SMAGP: variants seen among roughly 807,000 people sequenced by gnomAD.
SMAGP encodes the protein small cell adhesion glycoprotein.
A neutral mutation model predicts 10.1 loss-of-function variants in SMAGP; 7 were observed. The ratio of observed to expected loss-of-function variants is 0.70; its 90% CI spans 0.40 to 1.31. SMAGP has a LOEUF of 1.31. Ranked by LOEUF, SMAGP falls within the 50% of genes most tolerant of loss-of-function variation. SMAGP has a pLI of 0.01. For synonymous variants in SMAGP, 49 were observed against 47.2 expected (o/e 1.04, Z -0.16); for missense variants, 113 against 116.5 (o/e 0.97, Z 0.14).
At chr12:51,248,424 ACACACACACACTCTCTCTCTCTCT>A (rs1440759303) in intron 2 of SMAGP, among the ~76,000 whole-genome samples, 14 of 112,448 alleles carry the variant, frequency 1.2e-4, no homozygotes, top group East Asian at 3.4e-4. Flanking sequence ...ACACACACAC[ACACACACACACTCTCTCTCTCTCT>A]CTCTCTCTCT....
intron 2 of SMAGP, among the ~76,000 whole-genome samples, chr12:51,264,707 G>A (rs368681077): frequency 9.9e-5 from 15 of 151,540 alleles, no homozygotes; most frequent in African/African-American, 2.2e-4. Flanking sequence ...CAAGGCAGGC[G>A]GATTGCCTGA....
Position 51,260,797 on chromosome 12 carries a change from T to C in SMAGP, c.34+8448A>G, listed in dbSNP as rs532669140. Among the ~76,000 whole-genome samples, 19 of 148,068 alleles carry C rather than the reference T, an allele frequency of 1.3e-4. No homozygotes were observed. In the East Asian group the frequency reaches 3.7e-3, roughly 29 times the overall value. On this transcript the variant is annotated intron_variant, in intron 2 of 3. Transcript: ENST00000603798. ...GCCTCCTGGGTTCAAGCGATTCTCC[T>C]GCCTCAGCCTCCCGAGTAGCTGGGA... is the stretch of plus-strand genomic sequence containing the variant.
chr12:51,269,426 C>A, intron 1 of SMAGP, 110 bp from the exon 2 acceptor site: 1 of 787,304 alleles, frequency 1.3e-6, no homozygotes, highest in East Asian at 2.6e-5. Context: ...GTCCCTTCCC[C>A]TTTTTCTCTT....
intron 2 of SMAGP, among the ~76,000 whole-genome samples, chr12:51,256,784 A>AG (rs1944889612): frequency 2.3e-5 from 1 of 43,190 alleles, no homozygotes; most frequent in African/African-American, 6.0e-5. Context: ...CACCCAAAAA[A>AG]AGATATATAT....
At chr12:51,252,978 G>A (rs1456738668) in intron 2 of SMAGP, among the ~76,000 whole-genome samples, 1 of 152,120 alleles carries the variant, frequency 6.6e-6, no homozygotes, top group East Asian at 1.9e-4. Flanking sequence ...CTTGTAAATG[G>A]GATTTCTGTT....
At chr12:51,256,575 G>T (rs1944886053) in intron 2 of SMAGP, among the ~76,000 whole-genome samples, 1 of 152,014 alleles carries the variant, frequency 6.6e-6, no homozygotes, top group South Asian at 2.1e-4. Context: ...TACAAAATTA[G>T]CCGGGGTGGT....
intron 2 of SMAGP, among the ~76,000 whole-genome samples, chr12:51,252,564 G>A (rs1180071796): frequency 6.6e-6 from 1 of 151,974 alleles, no homozygotes; most frequent in Non-Finnish European, 1.5e-5. Context: ...GCTAATTTTT[G>A]TATTTTTTAG....
At chr12:51,262,141 A>G (rs1001313605) in intron 2 of SMAGP, among the ~76,000 whole-genome samples, 3 of 152,010 alleles carry the variant, frequency 2.0e-5, no homozygotes, top group Non-Finnish European at 2.9e-5. Flanking sequence ...TGTACATAGA[A>G]AAGGTCTAGA....
intron 2 of SMAGP, among the ~76,000 whole-genome samples, chr12:51,265,803 C>T (rs80022099): frequency 0.04 from 6,083 of 151,914 alleles, 305 homozygotes; most frequent in African/African-American, 0.11. Context: ...TACAGTAGTC[C>T]CCCCAGGCCA....
intron 2 of SMAGP, among the ~76,000 whole-genome samples, chr12:51,247,302 A>G (rs1186238932): frequency 2.0e-5 from 3 of 152,248 alleles, no homozygotes; most frequent in African/African-American, 7.2e-5. Flanking sequence ...ATTATATTAT[A>G]TAGCATGTGC....
chr12:51,259,317 T>C (rs965367383), intron 2 of SMAGP, among the ~76,000 whole-genome samples: 9 of 152,168 alleles, frequency 5.9e-5, no homozygotes, highest in African/African-American at 2.2e-4. Context: ...TCTTACTGTG[T>C]TGCCTAGGCT....
At chr12:51,264,413 C>T (rs550650498) in intron 2 of SMAGP, among the ~76,000 whole-genome samples, 2 of 152,226 alleles carry the variant, frequency 1.3e-5, no homozygotes, top group African/African-American at 4.8e-5. Context: ...AGGAGCATGG[C>T]TTCAGGCCGG....
chr12:51,250,937 A>T (rs1205676530), intron 2 of SMAGP, among the ~76,000 whole-genome samples: 2 of 151,776 alleles, frequency 1.3e-5, no homozygotes, highest in Non-Finnish European at 2.9e-5. Context: ...GACTTCACAC[A>T]TTTCACCATG....
intron 2 of SMAGP, among the ~76,000 whole-genome samples, chr12:51,267,260 C>T (rs1333666078): frequency 2.0e-5 from 3 of 152,120 alleles, no homozygotes; most frequent in African/African-American, 7.2e-5. Context: ...GCTTCCTGAA[C>T]ATCCTCCAGG....
chr12:51,265,859 G>A (rs920556221), intron 2 of SMAGP, among the ~76,000 whole-genome samples: 1 of 152,274 alleles, frequency 6.6e-6, no homozygotes, highest in Admixed American at 6.5e-5. Context: ...GAGGTGGGCG[G>A]ATCACGAGGT....
Position 51,245,973 on chromosome 12 carries a change from T to G in SMAGP, c.262A>C (p.Lys88Gln). 1.3e-5 allele frequency: 21 copies of G among 1,613,934 alleles called. No homozygotes were observed. Among genetic ancestry groups the G allele is most frequent in the Non-Finnish European group, 1.7e-5 (20 of 1,179,846 alleles). ...AIVQMESDLA[K>Q]GSEKEEYFI Reference sequence around the variant, plus strand: ...AAATATTCCTCTTTCTCGCTGCCCTTGGCCAAGTCACTCTCCATCTGGACG... The same window carrying G: ...AAATATTCCTCTTTCTCGCTGCCCTGGGCCAAGTCACTCTCCATCTGGACG... Residue 88 changes from lysine (K) to glutamine (Q), a missense_variant, in exon 4 of 4, where the codon AAG (lysine) becomes CAG (glutamine). Lys to Gln is a moderately conservative substitution (Grantham distance 53). Transcript: ENST00000603798.
chr12:51,257,740 T>TC (rs1944898775), intron 2 of SMAGP, among the ~76,000 whole-genome samples: 1 of 152,136 alleles, frequency 6.6e-6, no homozygotes, highest in Non-Finnish European at 1.5e-5. Context: ...AGATGGGGTT[T>TC]CACCCTGTTG....
chr12:51,257,025 A>C (rs1944891448), intron 2 of SMAGP, among the ~76,000 whole-genome samples: 1 of 152,202 alleles, frequency 6.6e-6, no homozygotes, highest in Non-Finnish European at 1.5e-5. Flanking sequence ...GGGTGGGTTC[A>C]AGGAAGAAAT....
chr12:51,258,996 A>C lies in SMAGP; in HGVS notation c.34+10249T>G, dbSNP rs983400022. 1.2e-4 allele frequency among the ~76,000 whole-genome samples: 17 copies of C among 145,836 alleles called. No individual in the cohort carries two copies. In the South Asian group the frequency reaches 2.7e-3, roughly 23 times the overall value. On this transcript the variant is annotated intron_variant, in intron 2 of 3. Coordinates refer to ENST00000603798, the MANE Select transcript of SMAGP (RefSeq NM_001031628.2). ...ACCCTGTCTCTACCAAAAAAAAAAA[A>C]AAAAAAAAAAAAAAACCTGATAGTT...
Sources: allele counts gnomAD v4.1 joint callset (sites outside exome capture counted in the v4.1 genomes callset), GRCh38; gene constraint gnomAD v4.1.1; transcripts MANE v1.5; gene names NCBI Gene and HGNC (gene_info 2026-07-23, HGNC 2026-07-21).